Variants in DAB1 observed in about 807,000 individuals in gnomAD.
DAB1 encodes DAB adaptor protein 1.
A neutral mutation model predicts 64.6 loss-of-function variants in DAB1; 15 were observed. That is an observed-to-expected ratio of 0.23 (90% CI 0.16 to 0.36). The LOEUF (loss-of-function observed/expected upper bound fraction) is 0.36. Ranked by LOEUF, DAB1 falls within the 10% of genes least tolerant of loss-of-function variation. DAB1 has a pLI of 1.00. For synonymous variants in DAB1, 235 were observed against 251.9 expected, an observed-to-expected ratio of 0.93 and a Z score of 0.64; for missense variants, 596 against 706.7, an observed-to-expected ratio of 0.84 and a Z score of 1.78.
intron 1 of DAB1, among the ~76,000 whole-genome samples, chr1:57,859,149 A>G (rs1286220225): frequency 1.3e-5 from 2 of 152,118 alleles, no homozygotes; most frequent in African/African-American, 4.8e-5. Flanking sequence ...AGCTGGGGCT[A>G]CAAAACCTAA....
chr1:57,940,568 A>C (rs538538902), intron 5 of DAB1, among the ~76,000 whole-genome samples: 1 of 152,352 alleles, frequency 6.6e-6, no homozygotes. Flanking sequence ...AATCAGCTGA[A>C]GATCTTGTTA....
At chr1:58,439,251 T>C (rs1350298779) in intron 3 of DAB1, among the ~76,000 whole-genome samples, 1 of 151,778 alleles carries the variant, frequency 6.6e-6, no homozygotes, top group Non-Finnish European at 1.5e-5. Context: ...CATAACTCAC[T>C]TCAAGTATCA....
chr1:57,553,467 GGA>G (rs750466707), intron 7 of DAB1, among the ~76,000 whole-genome samples: 168 of 12,830 alleles, frequency 0.013, 3 homozygotes, highest in Admixed American at 0.022. Flanking sequence ...AAAGAGAAAG[GGA>G]AAGAAAGGAA....
chr1:57,166,225 A>G (rs1196050742), intron 2 of DAB1, among the ~76,000 whole-genome samples: 1 of 152,124 alleles, frequency 6.6e-6, no homozygotes, highest in Non-Finnish European at 1.5e-5. Flanking sequence ...TAGACAGGTA[A>G]CTTCTTCCAT....
chr1:57,226,682 T>A (rs890142897), intron 2 of DAB1, among the ~76,000 whole-genome samples: 7 of 144,524 alleles, frequency 4.8e-5, no homozygotes, highest in South Asian at 2.1e-4. Flanking sequence ...AATATATATA[T>A]ATATATATAT....
intron 3 of DAB1, among the ~76,000 whole-genome samples, chr1:58,347,826 C>T (rs2100512006): frequency 6.6e-6 from 1 of 152,144 alleles, no homozygotes; most frequent in Non-Finnish European, 1.5e-5. Context: ...CTCACCTTGC[C>T]CCCTTGGCTT....
chr1:57,632,676 A>C (rs2101630168), intron 7 of DAB1, among the ~76,000 whole-genome samples: 1 of 152,346 alleles, frequency 6.6e-6, no homozygotes, highest in South Asian at 2.1e-4. Context: ...TGGAATTCTC[A>C]CTCATGGTAA....
intron 4 of DAB1, among the ~76,000 whole-genome samples, chr1:57,094,131 C>A (rs34867472): frequency 0.52 from 74,745 of 145,086 alleles, 20,133 homozygotes; most frequent in South Asian, 0.63. Flanking sequence ...AAAAAGGAAT[C>A]TTGGAGTTGA....
intron 4 of DAB1, among the ~76,000 whole-genome samples, chr1:58,281,655 C>T (rs1166609180): frequency 6.6e-6 from 1 of 152,130 alleles, no homozygotes; most frequent in African/African-American, 2.4e-5. Flanking sequence ...AATCCAAACT[C>T]TTTATGAATG....
rs1320669470 is a variant in DAB1, at chr1:57,475,743, G to C, written n.625+173849C>G. ...TCACTGCTAGATGTTACCGGCCAAC[G>C]CCATCCTCTAAATACCTGTGTATTC... On this transcript the variant is annotated intron_variant and non_coding_transcript_variant, in intron 7 of 20. Transcript: ENST00000485760. Among the ~76,000 whole-genome samples, 4 of 152,174 alleles carry C rather than the reference G, an allele frequency of 2.6e-5. No homozygotes were observed. In the South Asian group the frequency reaches 6.2e-4, roughly 24 times the overall value.
chr1:58,477,443 T>C (rs1025502677), intron 3 of DAB1, among the ~76,000 whole-genome samples: 21 of 152,166 alleles, frequency 1.4e-4, no homozygotes, highest in Admixed American at 1.1e-3. Context: ...AGCCCCGTGG[T>C]TGCATCTCTC....
chr1:57,469,828 T>C (rs1558409911), intron 7 of DAB1, among the ~76,000 whole-genome samples: 1 of 152,224 alleles, frequency 6.6e-6, no homozygotes, highest in Non-Finnish European at 1.5e-5. Context: ...TGGGAAATGC[T>C]GTAGATTTGA....
intron 1 of DAB1, among the ~76,000 whole-genome samples, chr1:57,830,725 T>A (rs562452941): frequency 6.6e-6 from 1 of 152,278 alleles, no homozygotes; most frequent in Non-Finnish European, 1.5e-5. Flanking sequence ...CTCTAACTGA[T>A]AAGACCGATT....
At chr1:58,022,172 T>C (rs6699815) in intron 5 of DAB1, among the ~76,000 whole-genome samples, 45,635 of 152,064 alleles carry the variant, frequency 0.3, 8,413 homozygotes, top group Non-Finnish European at 0.42. Context: ...CTCTTAACTT[T>C]TCCCCAAAGC....
At chr1:57,076,461 C>G (rs541664644) in intron 4 of DAB1, among the ~76,000 whole-genome samples, 7 of 152,218 alleles carry the variant, frequency 4.6e-5, no homozygotes, top group Admixed American at 1.3e-4. Context: ...ATCCTGAACT[C>G]TTCTTTGCAT....
intron 4 of DAB1, among the ~76,000 whole-genome samples, chr1:57,126,649 G>T (rs538457000): frequency 6.6e-6 from 1 of 152,176 alleles, no homozygotes; most frequent in Admixed American, 6.5e-5. Context: ...AATAGTAAGC[G>T]TGATCATTAT....
rs895330658 is a variant in DAB1, at chr1:57,003,228, G to T, written c.*16-5100C>A. ...CCACCGTTTGCAGACTACTCCACAT[G>T]TCCTTTAACTATCTATGAATTATGT... On this transcript the variant is annotated intron_variant, in intron 14 of 14. Coordinates refer to ENST00000371236, the MANE Select transcript of DAB1 (RefSeq NM_001365792.1). 1.8e-4 allele frequency among the ~76,000 whole-genome samples: 27 copies of T among 152,206 alleles called. 1 individual carries two copies. Among genetic ancestry groups the T allele is most frequent in the Admixed American group, 5.2e-4 (8 of 15,280 alleles).
At chr1:58,366,422 AC>A (rs1368371125) in intron 3 of DAB1, among the ~76,000 whole-genome samples, 4 of 152,232 alleles carry the variant, frequency 2.6e-5, no homozygotes, top group Non-Finnish European at 5.9e-5. Context: ...GGAATGGCCT[AC>A]TAACAACACA....
At chr1:57,774,133 A>G (rs997561192) in intron 6 of DAB1, among the ~76,000 whole-genome samples, 4 of 151,908 alleles carry the variant, frequency 2.6e-5, no homozygotes, top group African/African-American at 9.7e-5. Context: ...ATTCAGCATT[A>G]TGGTAAAGCT....
Sources: allele counts gnomAD v4.1 joint callset (sites outside exome capture counted in the v4.1 genomes callset), GRCh38; gene constraint gnomAD v4.1.1; transcripts MANE v1.5; gene names NCBI Gene and HGNC (gene_info 2026-07-23, HGNC 2026-07-21).